PPP4R1: variants seen among roughly 807,000 people sequenced by gnomAD.
The protein encoded by PPP4R1 is serine/threonine-protein phosphatase 4 regulatory subunit 1.
PPP4R1 carries 42 observed loss-of-function variants against 111.2 expected under a neutral mutation model. The observed-to-expected ratio is 0.38, with a 90% CI of 0.29 to 0.49. The LOEUF (loss-of-function observed/expected upper bound fraction) is 0.49. PPP4R1 is among the 20% of genes least tolerant of loss of function. The pLI is 0.97. For missense variants in PPP4R1, 1,012 were observed against 1,161.6 expected, an observed-to-expected ratio of 0.87 and a Z score of 1.87; for synonymous variants, 409 against 405.5, an observed-to-expected ratio of 1.01 and a Z score of -0.10.
chr18:9,594,868 C>A, intron 3 of PPP4R1, 150 bp downstream of exon 3: 2 of 879,794 alleles, frequency 2.3e-6, no homozygotes, highest in Non-Finnish European at 3.3e-6. Context: ...AAGTACAAAA[C>A]TGCTCATGCT....
At chr18:9,574,857 AGT>A (rs2145138933) in intron 10 of PPP4R1, among the ~76,000 whole-genome samples, 1 of 152,370 alleles carries the variant, frequency 6.6e-6, no homozygotes, top group Admixed American at 6.5e-5. Flanking sequence ...GAGAGCAGCA[AGT>A]ACAAAAACAG....
upstream of PPP4R1, chr18:9,614,593 G>A (rs2067658251): frequency 1.8e-5 from 13 of 713,474 alleles, no homozygotes; most frequent in Non-Finnish European, 2.1e-5. This position sits in a 1 kb window ranked among gnomAD's most constrained non-coding sequence, Gnocchi z 4.1. Context: ...GGGAGGAGGA[G>A]GGCCGGGCTG....
At chr18:9,564,513 C>T (rs2066728642) in intron 11 of PPP4R1, among the ~76,000 whole-genome samples, 1 of 152,152 alleles carries the variant, frequency 6.6e-6, no homozygotes, top group South Asian at 2.1e-4. Flanking sequence ...AACATATTCA[C>T]TCACAAAAAG....
chr18:9,559,900 C>T (rs1189101547), intron 13 of PPP4R1, among the ~76,000 whole-genome samples: 1 of 152,072 alleles, frequency 6.6e-6, no homozygotes, highest in African/African-American at 2.4e-5. Context: ...TAAAATAACA[C>T]CAGAGCCTTT....
intron 2 of PPP4R1, chr18:9,613,407 A>C (rs2067618009): frequency 6.6e-6 from 1 of 152,226 alleles, no homozygotes. Context: ...TCTGAGGCTT[A>C]GAAAAGTACA....
intron 2 of PPP4R1, among the ~76,000 whole-genome samples, chr18:9,601,183 C>A (rs2145299349): frequency 1.3e-5 from 2 of 149,646 alleles, no homozygotes; most frequent in African/African-American, 2.5e-5. Context: ...GTGTTCAAAC[C>A]AGGTTGTTAT....
chr18:9,610,542 A>G (rs888798260), intron 2 of PPP4R1, among the ~76,000 whole-genome samples: 1 of 151,944 alleles, frequency 6.6e-6, no homozygotes, highest in African/African-American at 2.4e-5. Context: ...GGCTCACTGC[A>G]ACCTCTACCT....
In PPP4R1 at chr18:9,614,150, C is replaced by T; in HGVS notation, c.52+76G>A. ...TCCCCTCAGCCAGCCAGGGCCCGGC[C>T]CAGGCCTCGCCGCCGCCCGCCCTCC... On this transcript the variant is annotated intron_variant, in intron 2 of 19. Coordinates refer to ENST00000400556, the MANE Select transcript of PPP4R1 (RefSeq NM_001042388.3). This position sits in a 1 kb window ranked among gnomAD's most constrained non-coding sequence, Gnocchi z 4.1. 2 of 1,223,220 alleles carry T rather than the reference C, an allele frequency of 1.6e-6. No homozygotes were observed. Among genetic ancestry groups the T allele is most frequent in the South Asian group, 2.5e-5 (1 of 40,238 alleles). The allele number at this position is 1,223,220 out of a possible 1,614,324, so 75.8% of individuals were successfully genotyped here. A position where few individuals can be genotyped will look rare whatever the true frequency, so the allele number is the denominator to read the frequency against.
At position 9,557,377 on chromosome 18, in the gene PPP4R1, T is replaced by C. The variant is rs745559921; in HGVS notation, c.2034A>G (p.Lys678=). 3 of 1,599,538 alleles carry C rather than the reference T, an allele frequency of 1.9e-6. No individual in the cohort carries two copies. Among genetic ancestry groups the C allele is most frequent in the South Asian group, 1.1e-5 (1 of 87,612 alleles). Residue 678 remains lysine (K), a synonymous_variant, in exon 15 of 20, where the codon AAA becomes AAG. Coordinates refer to ENST00000400556, the MANE Select transcript of PPP4R1 (RefSeq NM_001042388.3). ...TGGAGAATGCTAGAGTTCGTCGAAC[T>C]TTCCACTGCAGAAATGAAAACACAT... is the stretch of plus-strand genomic sequence containing the variant. ...YETLASDMQW[K]VRRTLAFSIH...
chr18:9,560,525 G>A (rs2066656159), intron 13 of PPP4R1, among the ~76,000 whole-genome samples: 1 of 152,026 alleles, frequency 6.6e-6, no homozygotes, highest in Admixed American at 6.6e-5. Context: ...ATCACTGAAT[G>A]CCTTTTAAGT....
intron 9 of PPP4R1, among the ~76,000 whole-genome samples, chr18:9,581,707 A>G (rs1027876008): frequency 1.3e-5 from 2 of 152,232 alleles, no homozygotes; most frequent in Non-Finnish European, 2.9e-5. Context: ...CGTAACTTAC[A>G]TAACTAGGAA....
chr18:9,580,761 G>A lies in PPP4R1; in HGVS notation c.918+2356C>T, dbSNP rs558030079. Among the ~76,000 whole-genome samples the A allele has an allele frequency of 9.2e-5, 14 of 152,276 alleles. No homozygotes were observed. In the South Asian group the frequency reaches 1.0e-3, roughly 11 times the overall value. ...GCAGCTCCCGGGCACAGGCTGCATC[G>A]CTCCAGCTACCTGATGCTGAGGTCC... is the stretch of plus-strand genomic sequence containing the variant. On this transcript the variant is annotated intron_variant, in intron 9 of 19. Transcript: ENST00000400556.
chr18:9,589,444 A>C (rs894234925), intron 4 of PPP4R1, among the ~76,000 whole-genome samples: 8 of 152,204 alleles, frequency 5.3e-5, no homozygotes, highest in Non-Finnish European at 7.3e-5. Context: ...AAAAAGATGA[A>C]ATGTCTAAGA....
At chr18:9,617,190 C>A (rs2067695326), upstream of PPP4R1, 1 of 152,202 alleles carries the variant, frequency 6.6e-6, no homozygotes, top group Admixed American at 6.5e-5. Context: ...GTCAGACACA[C>A]AGGAAGTCTG....
chr18:9,596,155 A>AAT (rs1328943421), intron 2 of PPP4R1, among the ~76,000 whole-genome samples: 6 of 152,352 alleles, frequency 3.9e-5, no homozygotes, highest in Admixed American at 2.6e-4. Flanking sequence ...TTCTGTTCCT[A>AAT]ATGTTTAAAA....
chr18:9,587,811 G>A (rs2067145753), intron 6 of PPP4R1, among the ~76,000 whole-genome samples: 1 of 151,886 alleles, frequency 6.6e-6, no homozygotes, highest in African/African-American at 2.4e-5. Context: ...CTCCTCCCAG[G>A]TTCAAGTGAT....
At chr18:9,588,527 C>T (rs1018979064) in intron 5 of PPP4R1, among the ~76,000 whole-genome samples, 184 bp downstream of exon 5, 2 of 152,170 alleles carry the variant, frequency 1.3e-5, no homozygotes, top group African/African-American at 4.8e-5. Context: ...AGTTACTAGG[C>T]ATTGTCCATA....
intron 10 of PPP4R1, among the ~76,000 whole-genome samples, chr18:9,573,539 T>C (rs1367282477): frequency 2.0e-5 from 3 of 152,154 alleles, no homozygotes; most frequent in Non-Finnish European, 2.9e-5. Flanking sequence ...GAAGAGCAAA[T>C]GGGTAAAACT....
In PPP4R1 at chr18:9,571,737, G is replaced by T. The variant is rs1290727887; in HGVS notation, c.1047-1054C>A. ...AACAGGACATGCAAAGGCCGGAGTG[G>T]CAGAAAAGGTGTGACGCATTCAGGA... is the stretch of plus-strand genomic sequence containing the variant. On this transcript the variant is annotated intron_variant, in intron 10 of 19. Coordinates refer to ENST00000400556, the MANE Select transcript of PPP4R1 (RefSeq NM_001042388.3). 8.5e-5 allele frequency among the ~76,000 whole-genome samples: 13 copies of T among 152,284 alleles called. No homozygotes were observed. The East Asian group carries it at 2.5e-3, about 29-fold the overall frequency.
Sources: allele counts gnomAD v4.1 joint callset (sites outside exome capture counted in the v4.1 genomes callset), GRCh38; gene constraint gnomAD v4.1.1; non-coding constraint Gnocchi (gnomAD v3.1); transcripts MANE v1.5; gene names NCBI Gene and HGNC (gene_info 2026-07-23, HGNC 2026-07-21).